Variants in SLC30A9 observed in about 807,000 individuals in gnomAD.
The protein encoded by SLC30A9 is proton-coupled zinc antiporter SLC30A9, mitochondrial.
SLC30A9 carries 58 observed loss-of-function variants against 87.5 expected under a neutral mutation model. The observed-to-expected ratio is 0.66, with a 90% confidence interval of 0.54 to 0.82. SLC30A9 has a LOEUF of 0.82. SLC30A9 is among the 40% of genes least tolerant of loss of function. The pLI is 0.00. For missense variants in SLC30A9, 557 were observed against 679.1 expected, an observed-to-expected ratio of 0.82 and a Z score of 2.00; for synonymous variants, 234 against 233.0, an observed-to-expected ratio of 1.00 and a Z score of -0.04.
intron 17 of SLC30A9, among the ~76,000 whole-genome samples, chr4:42,081,770 A>G (rs1718747061): frequency 6.6e-6 from 1 of 152,214 alleles, no homozygotes; most frequent in Non-Finnish European, 1.5e-5. Context: ...TACTCTTACA[A>G]CAATCAGACC....
intron 6 of SLC30A9, among the ~76,000 whole-genome samples, chr4:42,030,942 T>A (rs1219510817): frequency 1.3e-5 from 2 of 152,204 alleles, no homozygotes; most frequent in Non-Finnish European, 2.9e-5. Flanking sequence ...CCTTTTTTCC[T>A]TTCTGGGGGC....
At chr4:42,057,185 A>G (rs771159582) in intron 9 of SLC30A9, among the ~76,000 whole-genome samples, 10 of 152,118 alleles carry the variant, frequency 6.6e-5, no homozygotes, top group Non-Finnish European at 1.3e-4. Context: ...ATGGAGGGCA[A>G]TGGCCGCCCT....
intron 1 of SLC30A9, among the ~76,000 whole-genome samples, chr4:42,000,575 G>A (rs1276500398): frequency 4.6e-5 from 7 of 151,948 alleles, no homozygotes; most frequent in Admixed American, 6.6e-5. Flanking sequence ...GTTCTAGGCC[G>A]GAAACTTGAG....
intron 6 of SLC30A9, chr4:42,030,034 T>C: frequency 6.8e-6 from 6 of 879,048 alleles, no homozygotes; most frequent in South Asian, 6.8e-5. Flanking sequence ...GAAATTCGCC[T>C]AGTGTAAAGC....
chr4:42,034,244 A>G (rs777957252), intron 6 of SLC30A9, among the ~76,000 whole-genome samples: 31 of 152,314 alleles, frequency 2.0e-4, no homozygotes, highest in Non-Finnish European at 3.7e-4. Context: ...TTGCAAATCC[A>G]GATTTTCCTG....
Position 41,990,642 on chromosome 4 carries a change from C to T in SLC30A9, c.-10C>T, listed in dbSNP as rs775196785. 14 of 1,575,300 alleles carry T rather than the reference C, an allele frequency of 8.9e-6. No homozygotes were observed. In the East Asian group the frequency reaches 2.7e-4, roughly 30 times the overall value. On this transcript the variant is annotated 5_prime_UTR_variant, in exon 1 of 18. Transcript: ENST00000264451. Reference sequence around the variant, plus strand: ...GGCGGTGTCCGAGTAGGGGCCTCTGCCCCACCAGGATGTTACCCGGCTTGG... The same window carrying T: ...GGCGGTGTCCGAGTAGGGGCCTCTGTCCCACCAGGATGTTACCCGGCTTGG...
chr4:41,995,130 G>A (rs1714643090), intron 1 of SLC30A9, among the ~76,000 whole-genome samples: 1 of 152,012 alleles, frequency 6.6e-6, no homozygotes, highest in South Asian at 2.1e-4. Context: ...CATGGTGGCA[G>A]GCGCCTGTAA....
In SLC30A9 at chr4:42,049,289, A is replaced by G. The variant is rs112271285; in HGVS notation, c.738-88A>G. ...CCTAATTTTACTTTCAACAGAATCT[A>G]GTGTAGAGATATACAGCTGATTGAG... is the stretch of plus-strand genomic sequence containing the variant. On this transcript the variant is annotated intron_variant, in intron 8 of 17. Transcript: ENST00000264451. 4.2e-4 allele frequency: 295 copies of G among 694,870 alleles called. 1 individual carries two copies. Among genetic ancestry groups the G allele is most frequent in the Non-Finnish European group, 6.2e-4 (248 of 399,294 alleles). 43.0% of individuals were successfully genotyped at this position (694,870 alleles called of 1,614,324 possible). A position where few individuals can be genotyped will look rare whatever the true frequency, so the allele number is the denominator to read the frequency against.
intron 2 of SLC30A9, 25 bp downstream of exon 2, chr4:42,001,805 T>G (rs2153132975): frequency 6.4e-7 from 1 of 1,554,046 alleles, no homozygotes; most frequent in African/African-American, 1.4e-5. Context: ...TTTAATGTAC[T>G]TTTTTCTGTA....
chr4:42,037,908 T>G (rs902824821), intron 7 of SLC30A9, among the ~76,000 whole-genome samples: 1 of 152,114 alleles, frequency 6.6e-6, no homozygotes, highest in African/African-American at 2.4e-5. Context: ...GTAGCTGGGA[T>G]TACGGGCACC....
chr4:41,995,577 A>G (rs73153292), intron 1 of SLC30A9, among the ~76,000 whole-genome samples: 3,957 of 152,322 alleles, frequency 0.026, 178 homozygotes, highest in African/African-American at 0.087. Flanking sequence ...AAGATGGCCT[A>G]GGACTCCAGC....
intron 1 of SLC30A9, among the ~76,000 whole-genome samples, chr4:41,996,252 C>T (rs986250602): frequency 4.0e-5 from 6 of 151,710 alleles, no homozygotes; most frequent in Non-Finnish European, 7.4e-5. Flanking sequence ...TTAGCCACCA[C>T]GCCTGGCTGA....
chr4:42,008,388 C>T (rs1715305526), intron 2 of SLC30A9, among the ~76,000 whole-genome samples: 1 of 152,200 alleles, frequency 6.6e-6, no homozygotes, highest in African/African-American at 2.4e-5. Context: ...TTCCTCATCA[C>T]CTACATGTTT....
intron 15 of SLC30A9, among the ~76,000 whole-genome samples, chr4:42,075,253 T>C (rs1718504102): frequency 6.6e-6 from 1 of 150,694 alleles, no homozygotes; most frequent in Non-Finnish European, 1.5e-5. Flanking sequence ...TTTGTAGTTT[T>C]AGTAGAGACA....
intron 10 of SLC30A9, among the ~76,000 whole-genome samples, chr4:42,060,772 A>G (rs963951003): frequency 2.0e-5 from 3 of 152,130 alleles, no homozygotes; most frequent in African/African-American, 7.2e-5. Flanking sequence ...TATTGCTTCT[A>G]TTAACATAAC....
chr4:42,017,968 C>T (rs1233822559), intron 2 of SLC30A9, 143 bp from the exon 3 acceptor site: 4 of 536,228 alleles, frequency 7.5e-6, no homozygotes, highest in Non-Finnish European at 1.3e-5. Context: ...TTTAACTACT[C>T]TTACATTCTT....
chr4:42,023,261 A>T (rs781426260), intron 5 of SLC30A9, 41 bp from the exon 6 acceptor site: 4 of 1,291,462 alleles, frequency 3.1e-6, no homozygotes, highest in Non-Finnish European at 4.5e-6. Flanking sequence ...CAATAAAGTC[A>T]TTAAAATTGT....
intron 7 of SLC30A9, 113 bp from the exon 8 acceptor site, chr4:42,038,873 T>C (rs1267221816): frequency 1.5e-6 from 1 of 654,990 alleles, no homozygotes; most frequent in Non-Finnish European, 2.8e-6. Flanking sequence ...AATAAGTAAA[T>C]CTAATTCAGA....
intron 2 of SLC30A9, among the ~76,000 whole-genome samples, chr4:42,007,568 G>A (rs377306443): frequency 1.3e-5 from 2 of 150,636 alleles, no homozygotes; most frequent in East Asian, 2.0e-4. Flanking sequence ...TGGCTAACCC[G>A]GTGAAACCCC....
Sources: gnomAD v4.1 joint callset for allele counts (sites outside exome capture counted in the v4.1 genomes callset) on GRCh38, gnomAD v4.1.1 for gene constraint, MANE v1.5 for transcripts, NCBI Gene and HGNC (gene_info 2026-07-23, HGNC 2026-07-21) for gene names.